CEP120: variants seen among roughly 807,000 people sequenced by gnomAD.
CEP120 encodes the protein centrosomal protein of 120 kDa.
CEP120 carries 113 observed loss-of-function variants against 126.5 expected under a neutral mutation model. That is an observed-to-expected ratio of 0.89 (90% CI 0.77 to 1.04). The LOEUF (loss-of-function observed/expected upper bound fraction) is 1.04, where lower values mean the gene tolerates loss of function less well. Among genes scored for constraint, CEP120 ranks in the 50% least tolerant of loss-of-function variants. CEP120 has a pLI of 0.00. For synonymous variants in CEP120, 400 were observed against 394.3 expected, an observed-to-expected ratio of 1.01 and a Z score of -0.17; for missense variants, 1,230 against 1,155.7, an observed-to-expected ratio of 1.06 and a Z score of -0.93.
At chr5:123,393,645 A>C (rs1772554600) in intron 5 of CEP120, 148 bp from the exon 6 acceptor site, 1 of 639,616 alleles carries the variant, frequency 1.6e-6, no homozygotes, top group Admixed American at 3.0e-5. Context: ...ATTTCTGCCA[A>C]ATTACTACCA....
At position 123,399,164 on chromosome 5, in the gene CEP120, G is replaced by A; in HGVS notation, c.584C>T (p.Thr195Ile). 6.2e-7 allele frequency: 1 copy of A among 1,612,394 alleles called. No individual in the cohort carries two copies. ...TTCCAACTGGGTAGCAAATGCTATG[G>A]TCACTGACATAATAAAGGAGTCAGT... The part of the protein sequence containing the change: ...YCTDSFIMSV[T>I]IAFATQLEQL... Residue 195 changes from threonine (T) to isoleucine (I), a missense_variant, in exon 5 of 20, where the codon ACC becomes ATC. Transcript: ENST00000306467.
rs1772170113 is a variant in CEP120, at chr5:123,388,475, T to C, written c.1387A>G (p.Ile463Val). The change falls in exon 9 of 20, where the codon ATA becomes GTA. Residue 463 changes from isoleucine (I) to valine (V), a missense_variant. Transcript: ENST00000306467. ...HFCFSIDLRS[I>V]HALEIGFPIN... is the part of the protein sequence containing the mutation. The stretch of plus-strand genomic sequence containing the variant: ...GGAAAACCAATCTCCAAGGCATGTA[T>C]ACTCCTTAAGTCTATTGAAAAGCAA... 6.3e-7 allele frequency: 1 copy of C among 1,594,934 alleles called. No homozygotes were observed. Among genetic ancestry groups the C allele is most frequent in the Non-Finnish European group, 8.5e-7 (1 of 1,172,790 alleles).
intron 18 of CEP120, chr5:123,358,483 C>G (rs999634514): frequency 2.0e-5 from 3 of 152,012 alleles, no homozygotes; most frequent in Non-Finnish European, 4.4e-5. Context: ...TCTGTAGTGT[C>G]TATGTTATAT....
intron 1 of CEP120, among the ~76,000 whole-genome samples, chr5:123,422,039 A>G (rs1411368715): frequency 6.6e-6 from 1 of 152,168 alleles, no homozygotes; most frequent in African/African-American, 2.4e-5. Context: ...AGTGTCCTCA[A>G]TTCACCTGTT....
chr5:123,414,356 G>T (rs1490410271), intron 3 of CEP120, among the ~76,000 whole-genome samples: 1 of 152,140 alleles, frequency 6.6e-6, no homozygotes, highest in Non-Finnish European at 1.5e-5. Context: ...AGGATGGGGG[G>T]AAAACAAATC....
At chr5:123,373,827 C>A (rs1771024255) in intron 16 of CEP120, among the ~76,000 whole-genome samples, 1 of 151,970 alleles carries the variant, frequency 6.6e-6, no homozygotes, top group African/African-American at 2.4e-5. Context: ...TTCCCAGAGA[C>A]CCCCAGCCCC....
chr5:123,371,672 T>TA (rs912792361), intron 17 of CEP120, among the ~76,000 whole-genome samples: 1 of 151,906 alleles, frequency 6.6e-6, no homozygotes, highest in Admixed American at 6.6e-5. Flanking sequence ...CATGGAACCA[T>TA]AAAAAGATTC....
intron 4 of CEP120, among the ~76,000 whole-genome samples, chr5:123,404,740 C>T (rs1202102813): frequency 6.6e-6 from 1 of 152,176 alleles, no homozygotes; most frequent in African/African-American, 2.4e-5. Flanking sequence ...AATACAAACA[C>T]CGCTATTAAC....
chr5:123,365,717 C>T (rs2127005076), intron 17 of CEP120, among the ~76,000 whole-genome samples: 3 of 151,524 alleles, frequency 2.0e-5, no homozygotes, highest in Admixed American at 2.0e-4. Context: ...ACTTATGCCC[C>T]AAAGATGTAT....
upstream of CEP120, chr5:123,423,580 C>T (rs1774868199): frequency 6.4e-6 from 1 of 155,650 alleles, no homozygotes; most frequent in Non-Finnish European, 1.4e-5. Context: ...CGCAAGCGCA[C>T]TACTGCTGTA....
chr5:123,362,575 T>C (rs568506290), intron 18 of CEP120, among the ~76,000 whole-genome samples: 26 of 151,874 alleles, frequency 1.7e-4, no homozygotes, highest in African/African-American at 6.0e-4. Context: ...GTAGGGATCT[T>C]TGTCAGGATT....
At chr5:123,403,400 A>C in intron 4 of CEP120, 1 of 431,734 alleles carries the variant, frequency 2.3e-6, no homozygotes, top group Non-Finnish European at 4.6e-6. Context: ...AAAGGAAACA[A>C]AAGCAACTTA....
chr5:123,406,418 G>A (rs1364053243), intron 4 of CEP120, among the ~76,000 whole-genome samples: 2 of 150,748 alleles, frequency 1.3e-5, no homozygotes, highest in Non-Finnish European at 3.0e-5. Context: ...TTGCTGCTAG[G>A]CATCCCATAT....
At chr5:123,399,765 G>T (rs1357528876) in intron 4 of CEP120, among the ~76,000 whole-genome samples, 1 of 152,180 alleles carries the variant, frequency 6.6e-6, no homozygotes, top group Non-Finnish European at 1.5e-5. Flanking sequence ...TACAGAGGGA[G>T]GTGGGGCTGG....
At chr5:123,369,673 A>G (rs1770711680) in intron 17 of CEP120, among the ~76,000 whole-genome samples, 1 of 151,940 alleles carries the variant, frequency 6.6e-6, no homozygotes. Flanking sequence ...TCCCAATTAA[A>G]ATGTTAGTTA....
At chr5:123,387,570 G>T (rs13154717) in intron 9 of CEP120, among the ~76,000 whole-genome samples, 61,818 of 151,858 alleles carry the variant, frequency 0.41, 12,649 homozygotes, top group East Asian at 0.48. Context: ...AACAGAAAAA[G>T]TTAAGTGGCC....
chr5:123,406,846 C>T (rs1773715997), intron 4 of CEP120, among the ~76,000 whole-genome samples: 2 of 151,514 alleles, frequency 1.3e-5, no homozygotes, highest in South Asian at 4.1e-4. Context: ...CTTAATTGAT[C>T]TAACAGATAA....
intron 16 of CEP120, among the ~76,000 whole-genome samples, chr5:123,376,346 T>A (rs1362546921): frequency 1.3e-5 from 2 of 151,960 alleles, no homozygotes; most frequent in Non-Finnish European, 2.9e-5. Context: ...GTGGTTGAAG[T>A]GAGCATGGCA....
rs548530357 is a variant in CEP120 at position 123,423,148 on chromosome 5, C to G, written c.-150G>C. The G allele has an allele frequency of 3.0e-5, 20 of 659,766 alleles. No individual in the cohort carries two copies. In the South Asian group the frequency reaches 3.3e-4, roughly 11 times the overall value. 40.9% of individuals were successfully genotyped at this position (659,766 alleles called of 1,614,324 possible). A position where few individuals can be genotyped will look rare whatever the true frequency, so the allele number is the denominator to read the frequency against. On this transcript the variant is annotated 5_prime_UTR_variant, in exon 1 of 20. Coordinates refer to ENST00000306467, the MANE Select transcript of CEP120 (RefSeq NM_001375405.1). Reference sequence around the variant, plus strand: ...CCGCTCCGCAGCCAGGTCCCACCGCCGTCTGCTGCAGCGCGCCCGGCTCCT... The same window carrying G: ...CCGCTCCGCAGCCAGGTCCCACCGCGGTCTGCTGCAGCGCGCCCGGCTCCT...
Sources: allele counts gnomAD v4.1 joint callset (sites outside exome capture counted in the v4.1 genomes callset), GRCh38; gene constraint gnomAD v4.1.1; transcripts MANE v1.5; gene names NCBI Gene and HGNC (gene_info 2026-07-23, HGNC 2026-07-21).